Variants in KCND3 observed in about 807,000 individuals in gnomAD.
KCND3 encodes potassium voltage-gated channel subfamily D member 3.
Under a neutral mutation model 51.1 loss-of-function variants are expected in KCND3, and 9 were observed. The observed-to-expected ratio is 0.18, with a 90% confidence interval of 0.11 to 0.31. The LOEUF (loss-of-function observed/expected upper bound fraction) is 0.31, where lower values mean the gene tolerates loss of function less well. Ranked by LOEUF, KCND3 falls within the 10% of genes least tolerant of loss-of-function variation. KCND3 has a pLI of 1.00. For synonymous variants in KCND3, 349 were observed against 368.0 expected (o/e 0.95, Z 0.59); for missense variants, 526 against 903.8 (o/e 0.58, Z 5.36).
At chr1:111,888,742 A>C (rs1218086450) in intron 2 of KCND3, among the ~76,000 whole-genome samples, 1 of 152,006 alleles carries the variant, frequency 6.6e-6, no homozygotes, top group Non-Finnish European at 1.5e-5. Context: ...ACCCAGGTAC[A>C]GAGAAACCCA....
intron 2 of KCND3, among the ~76,000 whole-genome samples, chr1:111,849,189 C>T (rs1667698321): frequency 6.6e-6 from 1 of 152,166 alleles, no homozygotes; most frequent in Admixed American, 6.5e-5. Context: ...CAGCAAACTA[C>T]CCAAAGTGGG....
chr1:111,929,962 C>A (rs561705343), intron 2 of KCND3, among the ~76,000 whole-genome samples: 1 of 152,168 alleles, frequency 6.6e-6, no homozygotes, highest in Non-Finnish European at 1.5e-5. Flanking sequence ...TTAAAGTAAC[C>A]CAGGGCCCAT....
At chr1:111,889,027 T>C (rs1669702683) in intron 2 of KCND3, among the ~76,000 whole-genome samples, 1 of 152,148 alleles carries the variant, frequency 6.6e-6, no homozygotes, top group Non-Finnish European at 1.5e-5. Flanking sequence ...CAGGGGTTGG[T>C]TCATCACTGG....
chr1:111,979,391 A>C (rs1430824233), intron 2 of KCND3, among the ~76,000 whole-genome samples: 1 of 152,234 alleles, frequency 6.6e-6, no homozygotes, highest in African/African-American at 2.4e-5. Flanking sequence ...TCAGAAGGAA[A>C]TGTTTTATTT....
chr1:111,970,042 G>A (rs2101957741), intron 2 of KCND3, among the ~76,000 whole-genome samples: 1 of 150,508 alleles, frequency 6.6e-6, no homozygotes, highest in East Asian at 1.9e-4. Context: ...TGGAGATGGA[G>A]TTTCACTCTT....
chr1:111,860,397 G>A (rs1458869322), intron 2 of KCND3, among the ~76,000 whole-genome samples: 1 of 152,210 alleles, frequency 6.6e-6, no homozygotes. Flanking sequence ...ATTGATACTT[G>A]TTAGGTGGCT....
chr1:111,907,500 A>G (rs1257375996), intron 2 of KCND3, among the ~76,000 whole-genome samples: 1 of 152,212 alleles, frequency 6.6e-6, no homozygotes, highest in African/African-American at 2.4e-5. Context: ...CCAACCCACA[A>G]CCATGTGAGT....
At chr1:111,865,492 AATAT>A (rs1363646019) in intron 2 of KCND3, among the ~76,000 whole-genome samples, 1 of 152,176 alleles carries the variant, frequency 6.6e-6, no homozygotes, top group African/African-American at 2.4e-5. Flanking sequence ...GTCCCACCAG[AATAT>A]GGCCCGTATG....
At chr1:111,914,926 T>C (rs2101823579) in intron 2 of KCND3, among the ~76,000 whole-genome samples, 1 of 152,318 alleles carries the variant, frequency 6.6e-6, no homozygotes, top group African/African-American at 2.4e-5. Context: ...AGAACAAAAA[T>C]TTTCACTGTA....
rs368981562 is a variant in KCND3, at chr1:111,800,028, C to T, written c.1107-12922G>A. On this transcript the variant is annotated intron_variant, in intron 2 of 7. Transcript: ENST00000302127. ...GAGCCCCTCTGCCCGGCCACCACCCCGTCTGGGAGGTGTGCCCAACAGCTC... is the reference window on the plus strand; with the variant it reads ...GAGCCCCTCTGCCCGGCCACCACCCTGTCTGGGAGGTGTGCCCAACAGCTC... Among the ~76,000 whole-genome samples, 12 of 151,724 alleles carry T rather than the reference C, an allele frequency of 7.9e-5. No homozygotes were observed. The East Asian group carries it at 9.8e-4, about 12-fold the overall frequency.
At chr1:111,843,885 T>A (rs1178000006) in intron 2 of KCND3, among the ~76,000 whole-genome samples, 1 of 152,116 alleles carries the variant, frequency 6.6e-6, no homozygotes, top group Non-Finnish European at 1.5e-5. Context: ...GGAATGGAGC[T>A]TGGTGGGTAG....
At chr1:111,854,807 T>C (rs2101673894) in intron 2 of KCND3, among the ~76,000 whole-genome samples, 1 of 152,346 alleles carries the variant, frequency 6.6e-6, no homozygotes, top group Middle Eastern at 3.4e-3. Flanking sequence ...CTGCCTGTGT[T>C]TCCCCACTGG....
At chr1:111,984,859 C>G (rs1315829988) in intron 1 of KCND3, among the ~76,000 whole-genome samples, 2 of 152,182 alleles carry the variant, frequency 1.3e-5, no homozygotes, top group Non-Finnish European at 2.9e-5. Flanking sequence ...ATCACTCTCT[C>G]TGTGATGCTT....
chr1:111,900,548 A>C (rs1442248211), intron 2 of KCND3, among the ~76,000 whole-genome samples: 1 of 152,226 alleles, frequency 6.6e-6, no homozygotes, highest in Non-Finnish European at 1.5e-5. Context: ...ACCGCAAATT[A>C]CTGAGATTCC....
intron 2 of KCND3, among the ~76,000 whole-genome samples, chr1:111,810,201 C>T (rs75929085): frequency 1.3e-5 from 2 of 152,160 alleles, no homozygotes; most frequent in Non-Finnish European, 2.9e-5. Flanking sequence ...GACTGTGGCT[C>T]TTCTCACTTC....
intron 2 of KCND3, among the ~76,000 whole-genome samples, chr1:111,810,610 C>T (rs1040151889): frequency 2.0e-5 from 3 of 152,228 alleles, no homozygotes; most frequent in East Asian, 1.9e-4. Context: ...GAAAATGTCT[C>T]TTTCCAGCCC....
intron 1 of KCND3, among the ~76,000 whole-genome samples, chr1:111,986,303 G>T (rs1054692668): frequency 1.3e-5 from 2 of 152,210 alleles, no homozygotes; most frequent in Non-Finnish European, 2.9e-5. Flanking sequence ...AAGGTTACAG[G>T]TAAGGAGAAG....
chr1:111,870,087 T>C (rs1051753255), intron 2 of KCND3, among the ~76,000 whole-genome samples: 3 of 152,236 alleles, frequency 2.0e-5, no homozygotes, highest in African/African-American at 7.2e-5. Flanking sequence ...CACTTGCTTG[T>C]ATCATTTAAG....
At chr1:111,788,195 G>A (rs1004879842) in intron 2 of KCND3, among the ~76,000 whole-genome samples, 1 of 152,218 alleles carries the variant, frequency 6.6e-6, no homozygotes, top group African/African-American at 2.4e-5. Flanking sequence ...TAAGTGTTTA[G>A]TCTCCTCTTT....
Sources: gnomAD v4.1 joint callset for allele counts (sites outside exome capture counted in the v4.1 genomes callset) on GRCh38, gnomAD v4.1.1 for gene constraint, MANE v1.5 for transcripts, NCBI Gene and HGNC (gene_info 2026-07-23, HGNC 2026-07-21) for gene names.